The following NAV3 variants were observed in gnomAD, a reference collection of about 807,000 sequenced individuals.
NAV3 encodes neuron navigator 3, also known as pore membrane and/or filament interacting like protein 1.
NAV3 carries 87 observed loss-of-function variants against 244.7 expected under a neutral mutation model. The observed-to-expected ratio is 0.36, with a 90% CI of 0.30 to 0.42. The LOEUF is 0.42. Ranked by LOEUF, NAV3 falls within the 20% of genes least tolerant of loss-of-function variation. NAV3 has a pLI of 1.00. For synonymous variants in NAV3, 1,126 were observed against 1,042.2 expected, an observed-to-expected ratio of 1.08 and a Z score of -1.55; for missense variants, 2,663 against 2,893.3, an observed-to-expected ratio of 0.92 and a Z score of 1.83.
chr12:77,646,289 C>T (rs779195573), intron 2 of NAV3, among the ~76,000 whole-genome samples: 1 of 152,094 alleles, frequency 6.6e-6, no homozygotes, highest in African/African-American at 2.4e-5. Context: ...TTCTAAAGCA[C>T]GCTATATAAT....
At chr12:77,625,041 T>C (rs951643566) in intron 2 of NAV3, among the ~76,000 whole-genome samples, 4 of 152,222 alleles carry the variant, frequency 2.6e-5, no homozygotes, top group African/African-American at 4.8e-5. Flanking sequence ...GCACACATCA[T>C]GCACATGTAC....
At chr12:77,708,733 T>C (rs1875957119) in intron 2 of NAV3, among the ~76,000 whole-genome samples, 1 of 152,248 alleles carries the variant, frequency 6.6e-6, no homozygotes. Context: ...TCTTTTATGT[T>C]GTTGAGCAGT....
At chr12:77,615,992 C>A (rs1214345297) in intron 2 of NAV3, among the ~76,000 whole-genome samples, 1 of 152,124 alleles carries the variant, frequency 6.6e-6, no homozygotes, top group Non-Finnish European at 1.5e-5. Context: ...TTCTTTCACC[C>A]AAGCTTCACC....
chr12:77,697,275 C>G (rs1875348765), intron 2 of NAV3, among the ~76,000 whole-genome samples: 1 of 152,150 alleles, frequency 6.6e-6, no homozygotes, highest in Non-Finnish European at 1.5e-5. Flanking sequence ...TTCCTTCTCT[C>G]TACAACTATC....
chr12:78,140,720 A>G (rs1956572504), intron 20 of NAV3, among the ~76,000 whole-genome samples: 1 of 152,050 alleles, frequency 6.6e-6, no homozygotes, highest in Admixed American at 6.6e-5. Flanking sequence ...ATTGTTCTAT[A>G]GTATTTTCTT....
At chr12:78,154,460 G>A (rs1417231152) in intron 22 of NAV3, among the ~76,000 whole-genome samples, 3 of 150,084 alleles carry the variant, frequency 2.0e-5, no homozygotes, top group Non-Finnish European at 4.4e-5. Flanking sequence ...TAGACGTTAT[G>A]TATAATGATA....
In NAV3 at chr12:78,177,313, C is replaced by A. The variant is rs768748970; in HGVS notation, c.5297C>A (p.Ala1766Glu). 1.9e-6 allele frequency: 3 copies of A among 1,599,786 alleles called. No individual in the cohort carries two copies. In the East Asian group the frequency reaches 6.7e-5, roughly 36 times the overall value. Residue 1766 changes from alanine to glutamate, a missense_variant and splice_region_variant, in exon 27 of 40, where the codon GCG becomes GAG. Coordinates refer to ENST00000397909, the MANE Select transcript of NAV3 (RefSeq NM_001024383.2). ...ASMKPSQSAS[A>E]SPLVWPPKKR... The stretch of plus-strand genomic sequence containing the variant: ...ATGAAGCCCTCACAATCTGCTTCAG[C>A]GTAAGTTGCTCCTTCTGCAAAATGC...
chr12:77,608,420 T>A (rs923418258), intron 2 of NAV3, among the ~76,000 whole-genome samples: 2 of 152,098 alleles, frequency 1.3e-5, no homozygotes, highest in Non-Finnish European at 2.9e-5. Context: ...ATCACAAGTG[T>A]CAGTTGAGAC....
intron 2 of NAV3, among the ~76,000 whole-genome samples, chr12:77,695,590 G>A (rs773061075): frequency 6.6e-6 from 1 of 152,108 alleles, no homozygotes; most frequent in Non-Finnish European, 1.5e-5. Flanking sequence ...TTGGCCGGAT[G>A]ACTATTCTTT....
intron 2 of NAV3, among the ~76,000 whole-genome samples, chr12:77,716,385 G>A (rs1176901445): frequency 6.6e-6 from 1 of 151,546 alleles, no homozygotes; most frequent in Non-Finnish European, 1.5e-5. Context: ...GAAACTCACA[G>A]AGTTTTAAGA....
intron 2 of NAV3, among the ~76,000 whole-genome samples, chr12:77,810,258 G>A (rs1010378444): frequency 2.0e-5 from 3 of 152,204 alleles, no homozygotes; most frequent in East Asian, 1.9e-4. Flanking sequence ...TGCAAGCTCC[G>A]CCTCCCGGGT....
intron 1 of NAV3, among the ~76,000 whole-genome samples, chr12:77,845,953 G>C (rs1038496588): frequency 3.3e-5 from 5 of 152,058 alleles, no homozygotes; most frequent in African/African-American, 1.2e-4. Flanking sequence ...GGGCCTGGCT[G>C]ATTAGTTTAA....
At chr12:77,895,309 T>TTTGTGTGTGTG (rs1555224957) in intron 1 of NAV3, among the ~76,000 whole-genome samples, 5 of 148,572 alleles carry the variant, frequency 3.4e-5, no homozygotes, top group African/African-American at 1.2e-4. Flanking sequence ...TTTAGAATGA[T>TTTGTGTGTGTG]TGTGTGTGTG....
At position 77,576,961 on chromosome 12, in the gene NAV3, C is replaced by G. The variant is rs148256023; in HGVS notation, c.72+4695C>G. Among the ~76,000 whole-genome samples, 13 of 152,172 alleles carry G rather than the reference C, an allele frequency of 8.5e-5. No individual in the cohort carries two copies. In the East Asian group the frequency reaches 2.5e-3, roughly 29 times the overall value. Reference sequence around the variant, plus strand: ...TCGTATCATTTATTATCAGCCAATCCTGAAGCACGGCTCTAGTAAGAATGA... The same window carrying G: ...TCGTATCATTTATTATCAGCCAATCGTGAAGCACGGCTCTAGTAAGAATGA... On this transcript the variant is annotated intron_variant, in intron 2 of 8. Coordinates refer to the NAV3 transcript ENST00000550042.
At chr12:78,022,904 A>C (rs1478343774) in intron 9 of NAV3, among the ~76,000 whole-genome samples, 1 of 152,190 alleles carries the variant, frequency 6.6e-6, no homozygotes, top group Non-Finnish European at 1.5e-5. Flanking sequence ...CAGAGGTTTC[A>C]TATGGAGATT....
chr12:78,192,110 CTA>C (rs1959008949), intron 34 of NAV3, among the ~76,000 whole-genome samples: 1 of 151,530 alleles, frequency 6.6e-6, no homozygotes, highest in African/African-American at 2.4e-5. Context: ...ATCCATCTAT[CTA>C]TATATGTATG....
intron 1 of NAV3, among the ~76,000 whole-genome samples, chr12:77,914,294 C>T (rs1886911398): frequency 2.0e-5 from 3 of 152,058 alleles, no homozygotes; most frequent in South Asian, 2.1e-4. Context: ...TTTATTCACA[C>T]GTCAGGCAGT....
intron 6 of NAV3, among the ~76,000 whole-genome samples, chr12:77,996,597 T>C (rs895937829): frequency 3.9e-5 from 6 of 152,222 alleles, no homozygotes; most frequent in African/African-American, 1.4e-4. Flanking sequence ...TTATAATGAC[T>C]GTTACTATTA....
At chr12:78,052,163 A>G in intron 11 of NAV3, 1 of 152,210 alleles carries the variant, frequency 6.6e-6, no homozygotes, top group Admixed American at 6.5e-5. Flanking sequence ...ATTCTTCTAT[A>G]TAAGTGACCC....
Sources: gnomAD v4.1 joint callset for allele counts (sites outside exome capture counted in the v4.1 genomes callset) on GRCh38, gnomAD v4.1.1 for gene constraint, MANE v1.5 for transcripts, NCBI Gene and HGNC (gene_info 2026-07-23, HGNC 2026-07-21) for gene names.